The following ADGB variants were observed in gnomAD, a reference collection of about 807,000 sequenced individuals.
ADGB encodes the protein calpain-7-like protein.
A neutral mutation model predicts 210.5 loss-of-function variants in ADGB; 172 were observed. The observed-to-expected ratio is 0.82, with a 90% confidence interval of 0.72 to 0.93. ADGB has a LOEUF of 0.93. ADGB is among the 40% of genes least tolerant of loss of function. The pLI, the probability that ADGB is intolerant of heterozygous loss-of-function variation, is 0.00. For missense variants in ADGB, 2,025 were observed against 1,964.8 expected (o/e 1.03, Z -0.58); for synonymous variants, 658 against 662.7 (o/e 0.99, Z 0.11).
intron 17 of ADGB, among the ~76,000 whole-genome samples, chr6:146,722,887 C>G (rs554582076): frequency 6.6e-6 from 1 of 152,198 alleles, no homozygotes; most frequent in Non-Finnish European, 1.5e-5. Context: ...TGCATACACA[C>G]GCACACACAG....
intron 31 of ADGB, 52 bp downstream of exon 31, chr6:146,784,846 CT>C: frequency 6.7e-7 from 1 of 1,484,428 alleles, no homozygotes. Context: ...CTTAGGCATG[CT>C]CTGAAAAAAA....
At chr6:146,632,952 T>G (rs1214789522) in intron 1 of ADGB, among the ~76,000 whole-genome samples, 1 of 152,150 alleles carries the variant, frequency 6.6e-6, no homozygotes, top group Non-Finnish European at 1.5e-5. Flanking sequence ...CTTGATGATT[T>G]CATCCAGTCT....
intron 1 of ADGB, among the ~76,000 whole-genome samples, chr6:146,608,682 C>A (rs972144685): frequency 6.6e-6 from 1 of 151,980 alleles, no homozygotes; most frequent in Admixed American, 6.6e-5. Context: ...CATTATATGA[C>A]TTTTAGAGAT....
intron 11 of ADGB, among the ~76,000 whole-genome samples, 167 bp downstream of exon 11, chr6:146,691,457 T>TA (rs1211564310): frequency 2.4e-5 from 1 of 41,002 alleles, no homozygotes; most frequent in Non-Finnish European, 3.5e-5. Context: ...TATATATATA[T>TA]AAAAATATAT....
intron 10 of ADGB, among the ~76,000 whole-genome samples, chr6:146,686,212 A>G (rs571322326): frequency 1.1e-3 from 170 of 152,212 alleles, no homozygotes; most frequent in African/African-American, 4.0e-3. Context: ...GTTTTCTTAA[A>G]ATAAGATGAT....
Position 146,683,484 on chromosome 6 carries a change from C to T in ADGB, c.1217-2250C>T, listed in dbSNP as rs1393780357. Among the ~76,000 whole-genome samples, 4 of 152,056 alleles carry T rather than the reference C, an allele frequency of 2.6e-5. No homozygotes were observed. In the East Asian group the frequency reaches 5.8e-4, roughly 22 times the overall value. ...TTAATTAATCTGTGCCCATGCTATA[C>T]CACTTATTAAATATTTAAAACTTCA... On this transcript the variant is annotated intron_variant, in intron 9 of 35. Coordinates refer to ENST00000397944, the MANE Select transcript of ADGB (RefSeq NM_024694.4).
chr6:146,606,869 G>A (rs532496752), intron 1 of ADGB, among the ~76,000 whole-genome samples: 2 of 152,078 alleles, frequency 1.3e-5, no homozygotes, highest in Non-Finnish European at 2.9e-5. Context: ...GCATAGGATC[G>A]TCTTGGCTAT....
chr6:146,799,390 T>C (rs1440836922), intron 33 of ADGB, among the ~76,000 whole-genome samples: 2 of 151,890 alleles, frequency 1.3e-5, no homozygotes, highest in South Asian at 2.1e-4. Context: ...AAAAATTAGC[T>C]TGGCGTGGTG....
In ADGB at chr6:146,764,102, T is replaced by C; in HGVS notation, c.3750+2T>C. The C allele has an allele frequency of 6.5e-7, 1 of 1,528,714 alleles. No individual in the cohort carries two copies. Among genetic ancestry groups the C allele is most frequent in the Admixed American group, 2.2e-5 (1 of 45,360 alleles). 94.7% of individuals were successfully genotyped at this position (1,528,714 alleles called of 1,614,324 possible). A position where few individuals can be genotyped will look rare whatever the true frequency, so the allele number is the denominator to read the frequency against. On this transcript the variant is annotated splice_donor_variant, in intron 28 of 35. Coordinates refer to ENST00000397944, the MANE Select transcript of ADGB (RefSeq NM_024694.4). LOFTEE classifies it high-confidence loss of function. ...GACAGTTCCAGCACACCACTGCAGG[T>C]ATATTAAAAACAATTGTTCAATTGG...
chr6:146,741,131 G>T lies in ADGB; in HGVS notation c.3037G>T (p.Val1013Phe). ...WFIVFRETFL[V>F]HQDMILVPKV... ...TTGTAATTACAGAGAAACATTTTTG[G>T]TTCATCAAGACATGATTTTGGTTCC... is the stretch of plus-strand genomic sequence containing the variant. Residue 1013 changes from valine to phenylalanine, a missense_variant, in exon 25 of 36, where the codon GTT (valine) becomes TTT (phenylalanine). Transcript: ENST00000397944. 1 of 1,518,814 alleles carries T rather than the reference G, an allele frequency of 6.6e-7. No individual in the cohort carries two copies. Among genetic ancestry groups the T allele is most frequent in the Non-Finnish European group, 8.8e-7 (1 of 1,133,172 alleles). The allele number at this position is 1,518,814 out of a possible 1,614,324, so 94.1% of individuals were successfully genotyped here.
At chr6:146,604,500 G>A (rs1780605175) in intron 1 of ADGB, among the ~76,000 whole-genome samples, 1 of 152,026 alleles carries the variant, frequency 6.6e-6, no homozygotes, top group South Asian at 2.1e-4. Context: ...GGGAGTGGGT[G>A]GAGGCAGCCA....
In ADGB at chr6:146,728,571, C is replaced by A. The variant is rs1270010258; in HGVS notation, c.2353-3C>A. On this transcript the variant is annotated splice_polypyrimidine_tract_variant and splice_region_variant and intron_variant, in intron 19 of 35. Transcript: ENST00000397944. Reference sequence around the variant, plus strand: ...GGATGGCTGCCATGCTTTGTCTTCACAGGAGAGCTGCCGATTTACGGAACA... The same window carrying A: ...GGATGGCTGCCATGCTTTGTCTTCAAAGGAGAGCTGCCGATTTACGGAACA... 1.3e-6 allele frequency: 2 copies of A among 1,550,488 alleles called. No homozygotes were observed. The highest frequency in any genetic ancestry group is 1.7e-6 in the Non-Finnish European group (2 of 1,146,204).
chr6:146,789,875 A>T (rs1382430424), intron 33 of ADGB, among the ~76,000 whole-genome samples: 1 of 152,208 alleles, frequency 6.6e-6, no homozygotes, highest in Non-Finnish European at 1.5e-5. Flanking sequence ...ACCTGGACTT[A>T]CACCCAGCTC....
chr6:146,743,921 G>GA (rs11455673), intron 25 of ADGB, among the ~76,000 whole-genome samples: 77,151 of 151,886 alleles, frequency 0.51, 21,287 homozygotes, highest in African/African-American at 0.72. Context: ...TCTCCAAAAA[G>GA]AAAAAAGTTA....
chr6:146,803,060 A>C, intron 35 of ADGB: 1 of 1,558,740 alleles, frequency 6.4e-7, no homozygotes, highest in Non-Finnish European at 8.8e-7. Flanking sequence ...ACAAGTCTAC[A>C]CAGCAGCCAA....
chr6:146,798,004 G>A (rs1459370369), intron 33 of ADGB, among the ~76,000 whole-genome samples: 1 of 150,166 alleles, frequency 6.7e-6, no homozygotes, highest in Non-Finnish European at 1.5e-5. Context: ...TAATAAAGTA[G>A]GCCTAAAGAA....
At chr6:146,765,607 A>T (rs1310881133) in intron 28 of ADGB, among the ~76,000 whole-genome samples, 2 of 150,930 alleles carry the variant, frequency 1.3e-5, no homozygotes, top group Non-Finnish European at 3.0e-5. Context: ...AAAATATATT[A>T]AATATACTAA....
chr6:146,630,270 A>C (rs945680220), intron 1 of ADGB, among the ~76,000 whole-genome samples: 7 of 152,072 alleles, frequency 4.6e-5, no homozygotes, highest in African/African-American at 1.2e-4. Flanking sequence ...TAAAAGAAAG[A>C]AAGCAAGCTG....
At position 146,705,450 on chromosome 6, in the gene ADGB, A is replaced by G. The variant is rs1230612584; in HGVS notation, c.1707+4380A>G. ...TTTGTTGTGTTGAAGTACATTCTTT[A>G]TATTAGTTGTAAGTTGAGAGGTTTT... On this transcript the variant is annotated intron_variant, in intron 13 of 35. Transcript: ENST00000397944. 2.0e-5 allele frequency among the ~76,000 whole-genome samples: 3 copies of G among 152,052 alleles called. No homozygotes were observed. In the East Asian group the frequency reaches 5.8e-4, roughly 29 times the overall value.
Sources: allele counts gnomAD v4.1 joint callset (sites outside exome capture counted in the v4.1 genomes callset), GRCh38; gene constraint gnomAD v4.1.1; transcripts MANE v1.5; gene names NCBI Gene and HGNC (gene_info 2026-07-23, HGNC 2026-07-21).